UBE2V2: variants seen among roughly 807,000 people sequenced by gnomAD.
UBE2V2 encodes ubiquitin-conjugating enzyme E2 variant 2.
In UBE2V2, 9 loss-of-function variants were observed where a neutral mutation model predicts 17.2. The observed-to-expected ratio is 0.52, with a 90% CI of 0.32 to 0.91. The LOEUF is 0.91. UBE2V2 is among the 40% of genes least tolerant of loss of function. UBE2V2 has a pLI of 0.04. For missense variants in UBE2V2, 133 were observed against 182.6 expected (o/e 0.73, Z 1.56); for synonymous variants, 61 against 57.5 (o/e 1.06, Z -0.28).
chr8:48,031,199 ACT>A (rs1257357004), intron 1 of UBE2V2, among the ~76,000 whole-genome samples: 2 of 136,860 alleles, frequency 1.5e-5, no homozygotes, highest in African/African-American at 2.8e-5. Flanking sequence ...ACAGAGCAAG[ACT>A]CTGTCTCAAA....
chr8:48,032,879 G>A (rs958852637), intron 1 of UBE2V2, among the ~76,000 whole-genome samples: 4 of 152,152 alleles, frequency 2.6e-5, no homozygotes, highest in Admixed American at 2.6e-4. Flanking sequence ...CAGCCAGTGG[G>A]GGTTATGGGC....
At chr8:48,030,039 C>A (rs925610235) in intron 1 of UBE2V2, among the ~76,000 whole-genome samples, 3 of 152,202 alleles carry the variant, frequency 2.0e-5, no homozygotes, top group African/African-American at 2.4e-5. Flanking sequence ...TAAGGGAAGT[C>A]TCCCTTGATA....
At chr8:48,013,092 G>A (rs976688911) in intron 1 of UBE2V2, among the ~76,000 whole-genome samples, 3 of 152,056 alleles carry the variant, frequency 2.0e-5, no homozygotes, top group Admixed American at 6.6e-5. Flanking sequence ...TGATCCGCCC[G>A]CCTTGGCCTC....
At chr8:48,026,094 CT>C (rs894626758) in intron 1 of UBE2V2, among the ~76,000 whole-genome samples, 273 of 146,192 alleles carry the variant, frequency 1.9e-3, no homozygotes, top group African/African-American at 6.1e-3. Flanking sequence ...CTGTTCCTTT[CT>C]TTTTTTTTTT....
intron 1 of UBE2V2, among the ~76,000 whole-genome samples, chr8:48,024,528 G>C (rs993310611): frequency 3.9e-5 from 6 of 151,976 alleles, no homozygotes; most frequent in Non-Finnish European, 8.8e-5. Flanking sequence ...CTGGGAGATG[G>C]AGGTTGTGGT....
At chr8:48,036,786 G>A (rs1369816541) in intron 1 of UBE2V2, among the ~76,000 whole-genome samples, 2 of 151,962 alleles carry the variant, frequency 1.3e-5, no homozygotes, top group Non-Finnish European at 2.9e-5. Context: ...TACATATTTT[G>A]TGGGGGTACA....
chr8:48,007,211 G>T (rs2091190088), upstream of UBE2V2, among the ~76,000 whole-genome samples: 2 of 152,062 alleles, frequency 1.3e-5, no homozygotes, highest in African/African-American at 4.8e-5. Context: ...AGACAAAGAT[G>T]CCCTCTCTCA....
intron 1 of UBE2V2, among the ~76,000 whole-genome samples, chr8:48,011,706 C>T (rs1175397522): frequency 1.3e-5 from 2 of 152,148 alleles, no homozygotes; most frequent in Non-Finnish European, 2.9e-5. Flanking sequence ...GGTTGGAATG[C>T]AGTGGCATGC....
intron 1 of UBE2V2, among the ~76,000 whole-genome samples, chr8:48,039,945 G>A (rs2091450286): frequency 6.6e-6 from 1 of 151,698 alleles, no homozygotes; most frequent in African/African-American, 2.4e-5. Context: ...GCCCAGGCTG[G>A]TTTCCAACTC....
intron 1 of UBE2V2, among the ~76,000 whole-genome samples, chr8:48,017,665 G>A (rs1461766250): frequency 6.6e-6 from 1 of 151,958 alleles, no homozygotes; most frequent in Non-Finnish European, 1.5e-5. Context: ...GAGCCACCGC[G>A]CCTGCCAGTT....
chr8:48,007,703 C>T (rs373516673), upstream of UBE2V2, among the ~76,000 whole-genome samples: 9 of 151,018 alleles, frequency 6.0e-5, no homozygotes, highest in South Asian at 1.3e-3. Context: ...AAGTGAGCTT[C>T]GGCGCCCAGC....
At chr8:48,025,841 C>A (rs1345432739) in intron 1 of UBE2V2, among the ~76,000 whole-genome samples, 1 of 151,974 alleles carries the variant, frequency 6.6e-6, no homozygotes, top group African/African-American at 2.4e-5. Flanking sequence ...ACCTCGTGAT[C>A]CGCCTGCCTT....
chr8:48,046,800 T>A (rs1483272740), intron 2 of UBE2V2, among the ~76,000 whole-genome samples: 1 of 150,984 alleles, frequency 6.6e-6, no homozygotes, highest in Non-Finnish European at 1.5e-5. Context: ...GGGGTCTCAC[T>A]GTGTTGCCCA....
At chr8:48,015,069 A>T (rs1263296586) in intron 1 of UBE2V2, among the ~76,000 whole-genome samples, 1 of 150,290 alleles carries the variant, frequency 6.7e-6, no homozygotes, top group Non-Finnish European at 1.5e-5. Context: ...AAAAAAAAAA[A>T]AATAAGGCTT....
intron 1 of UBE2V2, among the ~76,000 whole-genome samples, chr8:48,012,820 C>G (rs2091242855): frequency 6.6e-6 from 1 of 152,136 alleles, no homozygotes; most frequent in Non-Finnish European, 1.5e-5. Flanking sequence ...TTTCCATGCA[C>G]CTCACATTCA....
upstream of UBE2V2, chr8:48,008,351 G>A: frequency 1.4e-6 from 2 of 1,396,830 alleles, no homozygotes; most frequent in Non-Finnish European, 1.9e-6. Flanking sequence ...CGCGCCCGCC[G>A]GGGGCGGAGT....
intron 3 of UBE2V2, among the ~76,000 whole-genome samples, chr8:48,057,836 G>C (rs1208211201): frequency 6.6e-6 from 1 of 152,060 alleles, no homozygotes; most frequent in Non-Finnish European, 1.5e-5. Context: ...GTATCTTGTT[G>C]CCTTGATGAA....
intron 1 of UBE2V2, among the ~76,000 whole-genome samples, chr8:48,034,025 A>G (rs903285043): frequency 3.9e-5 from 6 of 152,112 alleles, no homozygotes; most frequent in Middle Eastern, 3.4e-3. Flanking sequence ...CATACCTGCT[A>G]CTTTGTATCC....
At chr8:48,045,721 T>C (rs2154507812) in intron 2 of UBE2V2, among the ~76,000 whole-genome samples, 1 of 152,308 alleles carries the variant, frequency 6.6e-6, no homozygotes, top group East Asian at 1.9e-4. Flanking sequence ...AGGCACAGGC[T>C]TCTTCTGGAA....
Sources: gnomAD v4.1 joint callset for allele counts (sites outside exome capture counted in the v4.1 genomes callset) on GRCh38, gnomAD v4.1.1 for gene constraint, MANE v1.5 for transcripts, NCBI Gene and HGNC (gene_info 2026-07-23, HGNC 2026-07-21) for gene names.